The following DOK6 variants were observed in gnomAD, a reference collection of about 807,000 sequenced individuals.
The protein encoded by DOK6 is docking protein 6, also known as downstream of tyrosine kinase 6.
Under a neutral mutation model 44.0 loss-of-function variants are expected in DOK6, and 22 were observed. The ratio of observed to expected loss-of-function variants is 0.50; its 90% CI spans 0.36 to 0.71. The LOEUF is 0.71. Ranked by LOEUF, DOK6 falls within the 30% of genes least tolerant of loss-of-function variation. DOK6 has a pLI of 0.00. For synonymous variants in DOK6, 166 were observed against 145.5 expected (o/e 1.14, Z -1.01); for missense variants, 340 against 416.4 (o/e 0.82, Z 1.60).
At chr18:69,591,061 C>T (rs1043251849) in intron 2 of DOK6, among the ~76,000 whole-genome samples, 5 of 152,122 alleles carry the variant, frequency 3.3e-5, no homozygotes, top group African/African-American at 1.2e-4. Context: ...GCCGTGGCTC[C>T]AAACAATAGT....
Position 69,811,567 on chromosome 18 carries a change from TATATATATATCA to T in DOK6, c.857-29675_857-29664del, listed in dbSNP as rs1295414001. Among the ~76,000 whole-genome samples the T allele has an allele frequency of 3.9e-3, 71 of 18,222 alleles. 2 individuals carry two copies. Among genetic ancestry groups the T allele is most frequent in the African/African-American group, 5.7e-3 (69 of 12,122 alleles). The allele number at this position is 18,222 out of a possible 152,430, so 12.0% of individuals were successfully genotyped here. On this transcript the variant is annotated intron_variant, in intron 7 of 7. Transcript: ENST00000382713. ...ATATATATATATATATATATATATA[TATATATATATCA>T]AAACACTACGTTGTACACAATCAAT...
In DOK6 at chr18:69,476,737, C is replaced by T. The variant is rs549065563; in HGVS notation, c.66+75427C>T. On this transcript the variant is annotated intron_variant, in intron 1 of 7. Coordinates refer to ENST00000382713, the MANE Select transcript of DOK6 (RefSeq NM_152721.6). ...AGGAAGCAGGTAGCAGGGCCGACTG[C>T]GGCCTGCAGAGAGGGCGTGAGAGAA... Among the ~76,000 whole-genome samples, 16 of 152,340 alleles carry T rather than the reference C, an allele frequency of 1.1e-4. No homozygotes were observed. In the South Asian group the frequency reaches 3.1e-3, roughly 30 times the overall value.
Position 69,789,312 on chromosome 18 carries a change from A to G in DOK6, c.856+31439A>G, listed in dbSNP as rs570778512. Among the ~76,000 whole-genome samples, 34 of 152,262 alleles carry G rather than the reference A, an allele frequency of 2.2e-4. No homozygotes were observed. In the South Asian group the frequency reaches 6.8e-3, roughly 31 times the overall value. The stretch of plus-strand genomic sequence containing the variant: ...TTTATGAGTAAACTAAATACCTTTT[A>G]TAGGACCTTTTACTCTTATTTCATT... On this transcript the variant is annotated intron_variant, in intron 7 of 7. Transcript: ENST00000382713.
intron 3 of DOK6, chr18:69,618,527 A>T (rs1984366060): frequency 6.0e-6 from 1 of 166,058 alleles, no homozygotes; most frequent in African/African-American, 2.4e-5. Context: ...AAAGAAAAAG[A>T]GGTTTAATGG....
At chr18:69,516,842 A>AT (rs34387851) in intron 1 of DOK6, among the ~76,000 whole-genome samples, 74,783 of 139,838 alleles carry the variant, frequency 0.53, 20,021 homozygotes, top group Non-Finnish European at 0.55. Context: ...CGCACGGCTA[A>AT]TTTTTTTTTT....
At chr18:69,462,124 AGT>A (rs1339281109) in intron 1 of DOK6, among the ~76,000 whole-genome samples, 1 of 152,182 alleles carries the variant, frequency 6.6e-6, no homozygotes, top group Non-Finnish European at 1.5e-5. Context: ...GAAATTCCAA[AGT>A]GTGTTACATT....
At chr18:69,613,149 G>T (rs1382704977) in intron 3 of DOK6, among the ~76,000 whole-genome samples, 2 of 152,184 alleles carry the variant, frequency 1.3e-5, no homozygotes, top group African/African-American at 4.8e-5. Context: ...GGGATTACAG[G>T]CGGGAGCCAC....
chr18:69,707,596 C>T (rs1210407669), intron 5 of DOK6, among the ~76,000 whole-genome samples: 3 of 152,074 alleles, frequency 2.0e-5, no homozygotes, highest in Non-Finnish European at 2.9e-5. Flanking sequence ...ACAAAGTCTC[C>T]GTGGTTTATG....
At chr18:69,534,018 T>C (rs961767512) in intron 1 of DOK6, among the ~76,000 whole-genome samples, 1 of 152,178 alleles carries the variant, frequency 6.6e-6, no homozygotes, top group Non-Finnish European at 1.5e-5. Flanking sequence ...CTTTTTGGAC[T>C]GCTAATTTTG....
chr18:69,528,820 A>G (rs1442671), intron 1 of DOK6, among the ~76,000 whole-genome samples: 55,606 of 151,998 alleles, frequency 0.37, 10,860 homozygotes, highest in African/African-American at 0.49. Context: ...AGAGCAACTG[A>G]CTGTGCTTAT....
At chr18:69,443,145 A>C (rs566819925) in intron 1 of DOK6, among the ~76,000 whole-genome samples, 56 of 152,328 alleles carry the variant, frequency 3.7e-4, no homozygotes, top group Non-Finnish European at 6.6e-4. Flanking sequence ...GTAAAAAGTT[A>C]CATTTACATA....
At chr18:69,658,986 A>AT (rs1311388105) in intron 3 of DOK6, among the ~76,000 whole-genome samples, 1 of 152,246 alleles carries the variant, frequency 6.6e-6, no homozygotes, top group Non-Finnish European at 1.5e-5. Context: ...TAAGAAGGCT[A>AT]TTTTTTCTAC....
At chr18:69,512,811 G>T (rs1393881148) in intron 1 of DOK6, among the ~76,000 whole-genome samples, 11 of 152,100 alleles carry the variant, frequency 7.2e-5, no homozygotes, top group Admixed American at 5.9e-4. Context: ...TTGAGAATTG[G>T]TTTAAATCAA....
chr18:69,824,206 C>T (rs1228171403), intron 7 of DOK6, among the ~76,000 whole-genome samples: 1 of 143,618 alleles, frequency 7.0e-6, no homozygotes, highest in African/African-American at 2.6e-5. Context: ...TCCCCCCACC[C>T]CACAACAGGC....
At chr18:69,524,530 T>G in intron 1 of DOK6, among the ~76,000 whole-genome samples, 1 of 151,924 alleles carries the variant, frequency 6.6e-6, no homozygotes, top group East Asian at 1.9e-4. Flanking sequence ...GACTTTTAGT[T>G]GGCTAAATAG....
At chr18:69,597,440 T>G (rs1020503152) in intron 2 of DOK6, among the ~76,000 whole-genome samples, 5 of 152,216 alleles carry the variant, frequency 3.3e-5, no homozygotes, top group Admixed American at 6.5e-5. Flanking sequence ...GATATCTGAT[T>G]GCTAATAATG....
At chr18:69,445,723 A>C (rs1335412037) in intron 1 of DOK6, among the ~76,000 whole-genome samples, 4 of 152,128 alleles carry the variant, frequency 2.6e-5, no homozygotes, top group Admixed American at 2.0e-4. Flanking sequence ...GGAGAATATC[A>C]AAAATCTATT....
intron 3 of DOK6, among the ~76,000 whole-genome samples, chr18:69,649,223 GA>G (rs1181551289): frequency 6.6e-6 from 1 of 152,176 alleles, no homozygotes; most frequent in Non-Finnish European, 1.5e-5. Flanking sequence ...AGAAAAAGAG[GA>G]AGGCTATATT....
intron 5 of DOK6, among the ~76,000 whole-genome samples, chr18:69,736,696 T>C (rs576232940): frequency 1.3e-4 from 20 of 152,212 alleles, no homozygotes; most frequent in Non-Finnish European, 2.4e-4. Flanking sequence ...AAATAATTCT[T>C]TGGGTTCATT....
Sources: allele counts gnomAD v4.1 joint callset (sites outside exome capture counted in the v4.1 genomes callset), GRCh38; gene constraint gnomAD v4.1.1; transcripts MANE v1.5; gene names NCBI Gene and HGNC (gene_info 2026-07-23, HGNC 2026-07-21).